Variants in IL1RL2 observed in about 807,000 individuals in gnomAD.
The protein encoded by IL1RL2 is interleukin-1 receptor-like 2.
IL1RL2 carries 68 observed loss-of-function variants against 66.8 expected under a neutral mutation model. The observed-to-expected ratio is 1.02, with a 90% CI of 0.84 to 1.25. The LOEUF (loss-of-function observed/expected upper bound fraction) is 1.25. Among genes scored for constraint, IL1RL2 ranks in the 50% most tolerant of loss-of-function variants. IL1RL2 has a pLI of 0.00. For missense variants in IL1RL2, 729 were observed against 709.3 expected (o/e 1.03, Z -0.32); for synonymous variants, 305 against 264.6 (o/e 1.15, Z -1.48).
intron 3 of IL1RL2, among the ~76,000 whole-genome samples, chr2:102,190,868 C>T (rs373272938): frequency 2.9e-4 from 44 of 152,204 alleles, no homozygotes; most frequent in South Asian, 2.5e-3. Flanking sequence ...TAGAAATTGA[C>T]GAAGATATTA....
intron 5 of IL1RL2, among the ~76,000 whole-genome samples, chr2:102,206,383 C>T (rs1172147895): frequency 6.6e-6 from 1 of 152,132 alleles, no homozygotes; most frequent in Non-Finnish European, 1.5e-5. Flanking sequence ...TGTACTTGTC[C>T]TTCTTGGGAA....
chr2:102,189,047 ATTGTT>A (rs1686985257), intron 2 of IL1RL2, 24 bp from the exon 3 acceptor site: 11 of 1,533,938 alleles, frequency 7.2e-6, no homozygotes, highest in South Asian at 1.2e-5. Flanking sequence ...TTCATGGATA[ATTGTT>A]TTGTTTTGTT....
chr2:102,190,169 GGTAGCT>G (rs1559525358), intron 3 of IL1RL2, among the ~76,000 whole-genome samples: 1 of 152,170 alleles, frequency 6.6e-6, no homozygotes, highest in African/African-American at 2.4e-5. Context: ...GCCCCTCAAA[GGTAGCT>G]GTCTATTCAG....
chr2:102,220,949 T>G (rs1220192878), intron 8 of IL1RL2, among the ~76,000 whole-genome samples: 2 of 152,218 alleles, frequency 1.3e-5, no homozygotes, highest in Non-Finnish European at 2.9e-5. Flanking sequence ...AATAGGGATC[T>G]GTGCGTGGCA....
chr2:102,218,333 G>C (rs1346483145), intron 6 of IL1RL2, among the ~76,000 whole-genome samples: 1 of 152,086 alleles, frequency 6.6e-6, no homozygotes, highest in Non-Finnish European at 1.5e-5. Flanking sequence ...TTGAATGTTA[G>C]AATTTACTAA....
In IL1RL2 at chr2:102,219,903, CAT is replaced by C. The variant is rs1559552194; in HGVS notation, c.879_880del (p.His293GlnfsTer67). 6.2e-7 allele frequency: 1 copy of C among 1,611,982 alleles called. No homozygotes were observed. The highest frequency in any genetic ancestry group is 8.5e-7 in the Non-Finnish European group (1 of 1,178,228). On this transcript the variant is annotated frameshift_variant, in exon 8 of 12. Transcript: ENST00000264257. LOFTEE classifies it high-confidence loss of function. ...TAGAACCCATGTCTCTTTTCGGGAA[CAT>C]AATTTGTACACAGTAAACATCACCT... ...GVETHVSFRE[H>X]NLYTVNITFL...
intron 9 of IL1RL2, among the ~76,000 whole-genome samples, chr2:102,226,333 T>C (rs919413006): frequency 1.3e-5 from 2 of 152,170 alleles, no homozygotes; most frequent in African/African-American, 4.8e-5. Context: ...TCCACGTCCA[T>C]CCTCCGTCCA....
chr2:102,218,870 C>T (rs150312503), intron 6 of IL1RL2, 83 bp from the exon 7 acceptor site: 127 of 1,199,582 alleles, frequency 1.1e-4, no homozygotes, highest in Non-Finnish European at 1.3e-4. Flanking sequence ...CTCGAGAGTA[C>T]GATGCACTTG....
chr2:102,233,196 T>A, intron 10 of IL1RL2, 72 bp downstream of exon 10: 1 of 1,428,528 alleles, frequency 7.0e-7, no homozygotes, highest in Non-Finnish European at 9.6e-7. Context: ...TCCACTTTAC[T>A]AATGGCGGTG....
chr2:102,190,947 G>A (rs1687177738), intron 3 of IL1RL2, among the ~76,000 whole-genome samples: 1 of 152,130 alleles, frequency 6.6e-6, no homozygotes, highest in Non-Finnish European at 1.5e-5. Context: ...TAGGATACGT[G>A]TTTAGGAAAC....
intron 8 of IL1RL2, among the ~76,000 whole-genome samples, chr2:102,223,175 C>T (rs1690292300): frequency 6.6e-6 from 1 of 152,136 alleles, no homozygotes; most frequent in African/African-American, 2.4e-5. Flanking sequence ...TATTTTGGTT[C>T]TGTTGACTTA....
At chr2:102,235,813 AAG>A in intron 11 of IL1RL2, 1 of 985,412 alleles carries the variant, frequency 1.0e-6, no homozygotes, top group Non-Finnish European at 1.2e-6. Flanking sequence ...AGTGCAGACA[AAG>A]AGCTGCAAAC....
chr2:102,217,775 C>G (rs1689739190), intron 6 of IL1RL2, among the ~76,000 whole-genome samples: 1 of 152,046 alleles, frequency 6.6e-6, no homozygotes, highest in South Asian at 2.1e-4. Flanking sequence ...ATATTCAAAA[C>G]TCAACTTGAA....
chr2:102,208,703 A>C (rs1344506159), intron 5 of IL1RL2, among the ~76,000 whole-genome samples: 3 of 152,060 alleles, frequency 2.0e-5, no homozygotes, highest in African/African-American at 7.2e-5. Context: ...AGGGCCCTTT[A>C]CTCTGTACAG....
In IL1RL2 at chr2:102,189,149, C is replaced by T. The variant is rs111747917; in HGVS notation, c.132C>T (p.Phe44=). 1.8e-3 allele frequency: 2,903 copies of T among 1,614,044 alleles called. 5 individuals carry two copies. The highest frequency in any genetic ancestry group is 2.0e-3 in the Non-Finnish European group (2,320 of 1,179,970). ...ASQPFAFNCT[F]PPITSGEVSV... is the part of the protein sequence containing the mutation. ...AGCCTTTTGCTTTTAATTGTACATTCCCTCCCATAACATCTGGGGAAGTCA... is the reference window on the plus strand; with the variant it reads ...AGCCTTTTGCTTTTAATTGTACATTTCCTCCCATAACATCTGGGGAAGTCA... The change falls in exon 3 of 12, where the codon TTC becomes TTT. Residue 44 remains phenylalanine (F), a synonymous_variant. Coordinates refer to ENST00000264257, the MANE Select transcript of IL1RL2 (RefSeq NM_003854.4).
chr2:102,192,134 T>C lies in IL1RL2; in HGVS notation c.489+14T>C. The C allele has an allele frequency of 6.6e-7, 1 of 1,518,732 alleles. No individual in the cohort carries two copies. The highest frequency in any genetic ancestry group is 2.3e-5 in the East Asian group (1 of 42,688). The allele number at this position is 1,518,732 out of a possible 1,614,324, so 94.1% of individuals were successfully genotyped here. ...AAGTGGTATAAGGTAAAAAAGAATT[T>C]TCTTATTGATATTTTTCCTCCTTTT... On this transcript the variant is annotated intron_variant, in intron 4 of 11. Transcript: ENST00000264257.
chr2:102,233,327 C>A (rs751287806), intron 10 of IL1RL2, among the ~76,000 whole-genome samples: 6 of 152,200 alleles, frequency 3.9e-5, no homozygotes, highest in Non-Finnish European at 7.4e-5. Context: ...TAGGCTCCTC[C>A]CTGCCCCGCA....
rs114280694 is a variant in IL1RL2 at position 102,227,863 on chromosome 2, C to T, written c.1135+1822C>T. ...CTCTCTCACTGAGTCATTGCGACTC[C>T]CAGGAGCGTGACTATAGCTGTGACT... On this transcript the variant is annotated intron_variant, in intron 9 of 11. Transcript: ENST00000264257. 5.8e-4 allele frequency among the ~76,000 whole-genome samples: 88 copies of T among 152,204 alleles called. 1 individual carries two copies. The highest frequency in any genetic ancestry group is 2.1e-3 in the African/African-American group (87 of 41,518).
chr2:102,191,773 G>A (rs1455298050), intron 3 of IL1RL2, 152 bp from the exon 4 acceptor site: 2 of 582,562 alleles, frequency 3.4e-6, no homozygotes, highest in Non-Finnish European at 6.0e-6. Flanking sequence ...GTCCTTTTGT[G>A]ATGAATCATT....
Sources: gnomAD v4.1 joint callset for allele counts (sites outside exome capture counted in the v4.1 genomes callset) on GRCh38, gnomAD v4.1.1 for gene constraint, MANE v1.5 for transcripts, NCBI Gene and HGNC (gene_info 2026-07-23, HGNC 2026-07-21) for gene names.